Variants in TPTE observed in about 807,000 individuals in gnomAD.
TPTE encodes putative tyrosine-protein phosphatase TPTE.
Under a neutral mutation model 84.1 loss-of-function variants are expected in TPTE, and 59 were observed. The ratio of observed to expected loss-of-function variants is 0.70; its 90% CI spans 0.57 to 0.87. TPTE has a LOEUF of 0.87. Ranked by LOEUF, TPTE falls within the 40% of genes least tolerant of loss-of-function variation. TPTE has a pLI of 0.00. For missense variants in TPTE, 382 were observed against 659.6 expected (o/e 0.58, Z 4.61); for synonymous variants, 130 against 223.5 (o/e 0.58, Z 3.73).
chr21:10,547,349 C>T (rs1173054462), intron 7 of TPTE, among the ~76,000 whole-genome samples: 1 of 152,310 alleles, frequency 6.6e-6, no homozygotes, highest in Non-Finnish European at 1.5e-5. Context: ...AGCATGGAAG[C>T]ACTCAGCCTG....
At chr21:10,570,289 G>C (rs1886877) in intron 13 of TPTE, among the ~76,000 whole-genome samples, 196 bp from the exon 14 acceptor site, 3 of 152,302 alleles carry the variant, frequency 2.0e-5, no homozygotes, top group Non-Finnish European at 4.4e-5. Flanking sequence ...GAACTCCATG[G>C]CAGTTTAATG....
chr21:10,590,615 G>C lies in TPTE; in HGVS notation c.1089+92G>C, dbSNP rs577078587. Reference sequence around the variant, plus strand: ...GCAGGACATTAAGATGATTATTTTAGTCATGGTGCTTAGTAAAATTGTAAT... The same window carrying C: ...GCAGGACATTAAGATGATTATTTTACTCATGGTGCTTAGTAAAATTGTAAT... On this transcript the variant is annotated intron_variant, in intron 18 of 23. Coordinates refer to ENST00000618007, the MANE Select transcript of TPTE (RefSeq NM_199261.4). 164 of 1,580,564 alleles carry C rather than the reference G, an allele frequency of 1.0e-4. No homozygotes were observed. In the South Asian group the frequency reaches 1.7e-3, roughly 17 times the overall value.
At chr21:10,577,873 CA>C (rs1440129373) in intron 15 of TPTE, among the ~76,000 whole-genome samples, 1 of 152,308 alleles carries the variant, frequency 6.6e-6, no homozygotes, top group Non-Finnish European at 1.5e-5. Flanking sequence ...TCTTCTGACC[CA>C]TCAGCAGTGG....
At chr21:10,596,474 C>A in intron 20 of TPTE, among the ~76,000 whole-genome samples, 1 of 152,430 alleles carries the variant, frequency 6.6e-6, no homozygotes, top group East Asian at 1.9e-4. Context: ...CAGAGTTTGC[C>A]TTGGTGGAGG....
At chr21:10,600,399 A>G (rs2075666960) in intron 21 of TPTE, among the ~76,000 whole-genome samples, 2 of 152,306 alleles carry the variant, frequency 1.3e-5, no homozygotes. Context: ...TCAACCTACC[A>G]AAGTGCTAGG....
At chr21:10,562,192 C>A (rs1328459185) in intron 10 of TPTE, among the ~76,000 whole-genome samples, 1,839 of 151,438 alleles carry the variant, frequency 0.012, no homozygotes, top group African/African-American at 0.042. Context: ...TTGGGGTGCC[C>A]CCTAAAGCAG....
intron 13 of TPTE, 125 bp downstream of exon 13, chr21:10,569,871 T>G (rs555594818): frequency 6.3e-7 from 1 of 1,592,086 alleles, no homozygotes. Context: ...TATATGCTAC[T>G]GTGATAGTGT....
intron 7 of TPTE, among the ~76,000 whole-genome samples, chr21:10,547,271 A>G (rs2074485872): frequency 6.6e-6 from 1 of 152,312 alleles, no homozygotes; most frequent in Non-Finnish European, 1.5e-5. Context: ...TGATTAGAGT[A>G]TCAAAGGGAT....
intron 7 of TPTE, among the ~76,000 whole-genome samples, chr21:10,545,696 T>C (rs1371717497): frequency 2.0e-5 from 3 of 152,134 alleles, no homozygotes; most frequent in Admixed American, 6.6e-5. Context: ...TATACAGATA[T>C]ATCTTTTAGC....
chr21:10,543,594 A>C (rs1423598125), intron 7 of TPTE, among the ~76,000 whole-genome samples: 1 of 152,302 alleles, frequency 6.6e-6, no homozygotes, highest in East Asian at 1.9e-4. Context: ...CTGCATGGCC[A>C]TACAGAGTGT....
At position 10,542,387 on chromosome 21, in the gene TPTE, T is replaced by A; in HGVS notation, c.66-8T>A. 6.2e-7 allele frequency: 1 copy of A among 1,610,942 alleles called. No individual in the cohort carries two copies. Among genetic ancestry groups the A allele is most frequent in the South Asian group, 1.1e-5 (1 of 91,062 alleles). On this transcript the variant is annotated splice_region_variant and splice_polypyrimidine_tract_variant and intron_variant, in intron 5 of 23. Transcript: ENST00000618007. ...CCTCTCTGACTGTTTTCTCTTATCATCCACTAGTCCACAGACAAGTGAATT... is the reference window on the plus strand; with the variant it reads ...CCTCTCTGACTGTTTTCTCTTATCAACCACTAGTCCACAGACAAGTGAATT...
intron 21 of TPTE, among the ~76,000 whole-genome samples, chr21:10,601,100 C>CA (rs1355249892): frequency 6.6e-6 from 1 of 152,310 alleles, no homozygotes; most frequent in Non-Finnish European, 1.5e-5. Context: ...AATGTATTCT[C>CA]AAAAAAGGCC....
chr21:10,604,258 G>T (rs1978989665), intron 23 of TPTE, among the ~76,000 whole-genome samples: 1 of 152,312 alleles, frequency 6.6e-6, no homozygotes, highest in Non-Finnish European at 1.5e-5. Flanking sequence ...GCCATATTTG[G>T]AAACTCATTT....
At chr21:10,562,142 A>AG (rs1263140008) in intron 10 of TPTE, among the ~76,000 whole-genome samples, 2 of 152,312 alleles carry the variant, frequency 1.3e-5, no homozygotes, top group African/African-American at 4.8e-5. Context: ...CCATTAAGGC[A>AG]GTACCACTAT....
chr21:10,592,119 C>T (rs1319282902), intron 18 of TPTE, among the ~76,000 whole-genome samples, 174 bp from the exon 19 acceptor site: 1 of 152,302 alleles, frequency 6.6e-6, no homozygotes, highest in African/African-American at 2.4e-5. Flanking sequence ...GAGCTTAGAT[C>T]CTGCCACTGT....
At chr21:10,555,083 G>A (rs212107) in intron 8 of TPTE, among the ~76,000 whole-genome samples, 538 of 152,160 alleles carry the variant, frequency 3.5e-3, no homozygotes, top group African/African-American at 0.011. Context: ...TTAGTGTCAT[G>A]TAGCTTCCAC....
intron 23 of TPTE, 63 bp from the exon 24 acceptor site, chr21:10,605,354 C>G: frequency 6.3e-7 from 1 of 1,586,348 alleles, no homozygotes; most frequent in Non-Finnish European, 8.6e-7. Context: ...AACGTGGGTA[C>G]CCAACTGTGT....
intron 3 of TPTE, among the ~76,000 whole-genome samples, chr21:10,529,183 C>CAAA (rs3049947): frequency 8.3e-5 from 12 of 144,126 alleles, no homozygotes; most frequent in African/African-American, 7.7e-5. Flanking sequence ...AACTCTGTCT[C>CAAA]AAAAAAAAAA....
At chr21:10,538,822 C>T in intron 4 of TPTE, 88 bp downstream of exon 4, 1 of 1,606,866 alleles carries the variant, frequency 6.2e-7, no homozygotes, top group Non-Finnish European at 8.5e-7. Flanking sequence ...ACAAATATAT[C>T]CATCCATCCA....
Sources: gnomAD v4.1 joint callset for allele counts (sites outside exome capture counted in the v4.1 genomes callset) on GRCh38, gnomAD v4.1.1 for gene constraint, MANE v1.5 for transcripts, NCBI Gene and HGNC (gene_info 2026-07-23, HGNC 2026-07-21) for gene names.